Variants in HEG1 observed in about 807,000 individuals in gnomAD.
HEG1 encodes the protein protein HEG homolog 1.
HEG1 carries 56 observed loss-of-function variants against 125.6 expected under a neutral mutation model. The observed-to-expected ratio is 0.45, with a 90% CI of 0.36 to 0.56. The LOEUF is 0.56. HEG1 is among the 20% of genes least tolerant of loss of function. HEG1 has a pLI of 0.00. For synonymous variants in HEG1, 644 were observed against 668.5 expected (o/e 0.96, Z 0.57); for missense variants, 1,523 against 1,670.0 (o/e 0.91, Z 1.53).
At chr3:125,010,171 C>T (rs1362035500) in intron 7 of HEG1, among the ~76,000 whole-genome samples, 7 of 152,184 alleles carry the variant, frequency 4.6e-5, no homozygotes, top group Admixed American at 4.6e-4. Flanking sequence ...CAGCCTGAGG[C>T]ATCAGCACAG....
Position 125,012,721 on chromosome 3 carries a change from G to C in HEG1, c.2858C>G (p.Thr953Arg), listed in dbSNP as rs1276295401. The C allele has an allele frequency of 1.2e-6, 2 of 1,613,906 alleles. No homozygotes were observed. Among genetic ancestry groups the C allele is most frequent in the East Asian group, 4.5e-5 (2 of 44,900 alleles). The change falls in exon 6 of 17, where the codon ACA becomes AGA. Residue 953 changes from threonine to arginine, a missense_variant. By Grantham distance (71) the Thr-to-Arg change is moderately conservative (BLOSUM62 -1). Coordinates refer to ENST00000311127, the MANE Select transcript of HEG1 (RefSeq NM_020733.2). ...CAAGTCTTCAGCCGTGGAAACAACT[G>C]TGGTTTGGGGAGAAGGAGATGTTCC... ...SLGTSPSPQT[T>R]VVSTAEDLAP... is the part of the protein sequence containing the mutation.
chr3:125,035,092 G>A (rs1937538019), intron 1 of HEG1, among the ~76,000 whole-genome samples: 1 of 152,278 alleles, frequency 6.6e-6, no homozygotes, highest in African/African-American at 2.4e-5. Flanking sequence ...AGCCTCCTGA[G>A]TAGCTGAGAT....
At chr3:125,027,038 T>C (rs1357552055) in intron 3 of HEG1, among the ~76,000 whole-genome samples, 167 bp downstream of exon 3, 1 of 152,094 alleles carries the variant, frequency 6.6e-6, no homozygotes, top group Non-Finnish European at 1.5e-5. Context: ...ACTGGGTAGG[T>C]TGTACCTACT....
intron 12 of HEG1, among the ~76,000 whole-genome samples, chr3:124,991,587 T>C (rs1936835152): frequency 6.6e-6 from 1 of 152,192 alleles, no homozygotes; most frequent in Admixed American, 6.5e-5. Flanking sequence ...TGGTACATAG[T>C]AACCACTAAA....
chr3:124,979,245 C>T lies in HEG1; in HGVS notation c.3734-1299G>A, dbSNP rs556228559. On this transcript the variant is annotated intron_variant, in intron 14 of 16. Transcript: ENST00000311127. ...GGGATTACAGGCTTGAGCCACCATG[C>T]CTGGCCTAAAAATTCTTGATTCAGT... Among the ~76,000 whole-genome samples, 218 of 152,206 alleles carry T rather than the reference C, an allele frequency of 1.4e-3. 1 individual carries two copies. Among genetic ancestry groups the T allele is most frequent in the African/African-American group, 4.9e-3 (202 of 41,506 alleles).
chr3:125,012,671 C>T lies in HEG1; in HGVS notation c.2908G>A (p.Val970Ile). ...GTTGGTGACTGTGTGCTGCTCTGAA[C>T]AGCAAAGGTGGCAGATTTGGGAGCC... ...DLAPKSATFA[V>I]QSSTQSPTTV... The change falls in exon 6 of 17, where the codon GTT becomes ATT. Residue 970 changes from valine (V) to isoleucine (I), a missense_variant. Coordinates refer to ENST00000311127, the MANE Select transcript of HEG1 (RefSeq NM_020733.2). 6.2e-7 allele frequency: 1 copy of T among 1,613,832 alleles called. No individual in the cohort carries two copies. Among genetic ancestry groups the T allele is most frequent in the Non-Finnish European group, 8.5e-7 (1 of 1,179,840 alleles).
At chr3:125,014,886 C>T (rs568439012) in intron 5 of HEG1, 6 of 1,289,854 alleles carry the variant, frequency 4.7e-6, no homozygotes, top group South Asian at 1.2e-5. Context: ...CCGCAGTGTG[C>T]GTTCCCCGTT....
chr3:124,996,145 T>C (rs9682756), intron 12 of HEG1, among the ~76,000 whole-genome samples: 104,165 of 151,378 alleles, frequency 0.69, 35,881 homozygotes, highest in Middle Eastern at 0.77. Flanking sequence ...GGTGCAATGG[T>C]GTGATTTCGG....
At chr3:125,036,586 A>G (rs1304798228) in intron 1 of HEG1, among the ~76,000 whole-genome samples, 1 of 152,228 alleles carries the variant, frequency 6.6e-6, no homozygotes, top group African/African-American at 2.4e-5. Context: ...CCTGATAAAA[A>G]TGTTTAGCAT....
chr3:124,998,711 A>C (rs1240597200), intron 11 of HEG1, among the ~76,000 whole-genome samples: 1 of 152,214 alleles, frequency 6.6e-6, no homozygotes, highest in Non-Finnish European at 1.5e-5. Flanking sequence ...GCCCTCTGTG[A>C]AGTTGTGTAC....
intron 1 of HEG1, among the ~76,000 whole-genome samples, chr3:125,050,414 G>A (rs1352142624): frequency 6.6e-6 from 1 of 152,146 alleles, no homozygotes; most frequent in East Asian, 1.9e-4. Flanking sequence ...AAAGTGCTGA[G>A]ATTACAGGCG....
chr3:125,029,236 AG>A lies in HEG1; in HGVS notation c.568del (p.Leu190TrpfsTer3). Reference sequence around the variant, plus strand: ...GGAAGTCAGAGCTGTTGCTATCTCCAGTGAGTACCCAACAGGCAAAATGGTG... The same window carrying A: ...GGAAGTCAGAGCTGTTGCTATCTCCATGAGTACCCAACAGGCAAAATGGTG... ...NFTILPVGYS[L>X]EIATALTSQS... On this transcript the variant is annotated frameshift_variant, in exon 2 of 17. Coordinates refer to ENST00000311127, the MANE Select transcript of HEG1 (RefSeq NM_020733.2). LOFTEE classifies it high-confidence loss of function. 1 of 1,613,326 alleles carries A rather than the reference AG, an allele frequency of 6.2e-7. No individual in the cohort carries two copies. The highest frequency in any genetic ancestry group is 8.5e-7 in the Non-Finnish European group (1 of 1,179,688).
intron 1 of HEG1, among the ~76,000 whole-genome samples, chr3:125,050,204 T>C (rs901823496): frequency 6.7e-6 from 1 of 148,520 alleles, no homozygotes; most frequent in African/African-American, 2.5e-5. Context: ...AGTGTAGTGG[T>C]GTACTCTCGG....
chr3:125,027,572 AG>A (rs1223102780), intron 2 of HEG1, 65 bp from the exon 3 acceptor site: 1 of 1,336,222 alleles, frequency 7.5e-7, no homozygotes, highest in Non-Finnish European at 1.0e-6. Context: ...ATATGCTTTT[AG>A]GGGGCTCAGT....
chr3:125,044,661 C>T (rs1252564702), intron 1 of HEG1, among the ~76,000 whole-genome samples: 1 of 151,996 alleles, frequency 6.6e-6, no homozygotes, highest in African/African-American at 2.4e-5. Flanking sequence ...AACCCAGGTC[C>T]GTCTGACTGC....
In HEG1 at chr3:125,012,818, G is replaced by T. The variant is rs112418780; in HGVS notation, c.2761C>A (p.Pro921Thr). 6.2e-7 allele frequency: 1 copy of T among 1,614,016 alleles called. No homozygotes were observed. The change falls in exon 6 of 17, where the codon CCC becomes ACC. Residue 921 changes from proline to threonine, a missense_variant. Transcript: ENST00000311127. ...GTGGTCATTTCTTTTGCTGATGTGG[G>T]TACACTGGTCAAAGGGATCAATCCA... ...TTGLIPLTSV[P>T]TSAKEMTTKL... is the part of the protein sequence containing the mutation.
chr3:125,049,355 C>T (rs1937751678), intron 1 of HEG1, among the ~76,000 whole-genome samples: 1 of 152,180 alleles, frequency 6.6e-6, no homozygotes, highest in South Asian at 2.1e-4. Context: ...CCACCCCCAC[C>T]TCTCATTGCG....
chr3:124,981,014 G>T (rs541449970), intron 14 of HEG1, among the ~76,000 whole-genome samples: 2 of 149,560 alleles, frequency 1.3e-5, no homozygotes, highest in South Asian at 2.1e-4. Context: ...CTAAGTTTTG[G>T]TTTTTGTAGG....
Position 125,005,316 on chromosome 3 carries a change from A to C in HEG1, c.3246T>G (p.Thr1082=), listed in dbSNP as rs1937056818. 1 of 1,597,848 alleles carries C rather than the reference A, an allele frequency of 6.3e-7. No individual in the cohort carries two copies. Among genetic ancestry groups the C allele is most frequent in the Non-Finnish European group, 8.5e-7 (1 of 1,173,352 alleles). Residue 1082 remains threonine, a synonymous_variant, in exon 9 of 17, where the codon ACT becomes ACG. Transcript: ENST00000311127. ...CTTGTAGGTCTGAATGTTTTTCCAC[A>C]GTTGTATTAAGAAAAGTTCTCTTTA... ...FKLKRTFLNT[T]VEKHSDLQEV... is the part of the protein sequence containing the mutation.
Sources: gnomAD v4.1 joint callset for allele counts (sites outside exome capture counted in the v4.1 genomes callset) on GRCh38, gnomAD v4.1.1 for gene constraint, MANE v1.5 for transcripts, NCBI Gene and HGNC (gene_info 2026-07-23, HGNC 2026-07-21) for gene names.